The following ADGRV1 variants were observed in gnomAD, a reference collection of about 807,000 sequenced individuals.
The protein encoded by ADGRV1 is adhesion G protein-coupled receptor V1.
ADGRV1 carries 359 observed loss-of-function variants against 596.2 expected under a neutral mutation model. The observed-to-expected ratio is 0.60, with a 90% CI of 0.55 to 0.66. ADGRV1 has a LOEUF of 0.66. Among genes scored for constraint, ADGRV1 ranks in the 30% least tolerant of loss-of-function variants. The pLI is 0.00. For missense variants in ADGRV1, 7,274 were observed against 7,575.6 expected (o/e 0.96, Z 1.48); for synonymous variants, 2,681 against 2,679.2 (o/e 1.00, Z -0.02).
chr5:90,803,515 G>T (rs1427132518), intron 71 of ADGRV1, among the ~76,000 whole-genome samples: 2 of 152,090 alleles, frequency 1.3e-5, no homozygotes, highest in African/African-American at 4.8e-5. Flanking sequence ...ACTCCTTCAG[G>T]TGGGAGCTGA....
At chr5:91,035,970 A>C (rs528090427) in intron 85 of ADGRV1, among the ~76,000 whole-genome samples, 1 of 148,638 alleles carries the variant, frequency 6.7e-6, no homozygotes, top group South Asian at 2.1e-4. Context: ...CAAGAACAAA[A>C]ATATGAGATA....
At chr5:91,058,502 C>A (rs1223314654) in intron 85 of ADGRV1, among the ~76,000 whole-genome samples, 1 of 148,354 alleles carries the variant, frequency 6.7e-6, no homozygotes, top group Middle Eastern at 3.5e-3. Flanking sequence ...TTTTTGGAAG[C>A]TTTGTGGGAG....
At chr5:90,584,768 C>G (rs1758529589) in intron 1 of ADGRV1, among the ~76,000 whole-genome samples, 1 of 152,170 alleles carries the variant, frequency 6.6e-6, no homozygotes, top group Non-Finnish European at 1.5e-5. Flanking sequence ...GGACTGAAAG[C>G]CAGCCTGTCT....
intron 9 of ADGRV1, among the ~76,000 whole-genome samples, chr5:90,631,215 A>C (rs564433444): frequency 2.0e-5 from 3 of 152,302 alleles, no homozygotes; most frequent in Non-Finnish European, 4.4e-5. Context: ...TATCTTTTAG[A>C]TAACTCGATC....
intron 50 of ADGRV1, among the ~76,000 whole-genome samples, chr5:90,732,437 A>G (rs935974718): frequency 2.0e-5 from 3 of 152,304 alleles, no homozygotes; most frequent in East Asian, 3.9e-4. Flanking sequence ...TAACCCATCC[A>G]TTACCTCACA....
intron 43 of ADGRV1, among the ~76,000 whole-genome samples, 175 bp from the exon 44 acceptor site, chr5:90,719,870 AAGT>A (rs2149765603): frequency 6.6e-6 from 1 of 152,354 alleles, no homozygotes; most frequent in Admixed American, 6.5e-5. Flanking sequence ...AAAATCCTAA[AAGT>A]AGTAACCTGA....
chr5:90,734,625 G>A (rs1988093), intron 50 of ADGRV1, among the ~76,000 whole-genome samples: 59,271 of 135,850 alleles, frequency 0.44, 12,730 homozygotes, highest in Admixed American at 0.59. Flanking sequence ...TTGCTCTGTC[G>A]CCCAGGCTAG....
chr5:91,100,211 C>T (rs1160849333), intron 86 of ADGRV1, among the ~76,000 whole-genome samples: 5 of 152,114 alleles, frequency 3.3e-5, no homozygotes, highest in East Asian at 1.9e-4. Flanking sequence ...CGCTTGAGCC[C>T]GGAAGTTCAA....
Position 90,589,473 on chromosome 5 carries a change from A to G in ADGRV1, c.23-25362A>G, listed in dbSNP as rs190350607. ...AAGCAATGTATTATGGCTGAGAAAG[A>G]AAGTGTGGAATGGAAGAAAAGTGGG... On this transcript the variant is annotated intron_variant, in intron 1 of 89. Transcript: ENST00000405460. Among the ~76,000 whole-genome samples the G allele has an allele frequency of 3.3e-5, 5 of 152,362 alleles. No individual in the cohort carries two copies. In the East Asian group the frequency reaches 9.6e-4, roughly 29 times the overall value.
intron 88 of ADGRV1, 42 bp downstream of exon 88, chr5:91,150,263 GTCTCTCTC>G: frequency 7.6e-7 from 1 of 1,315,268 alleles, no homozygotes; most frequent in Non-Finnish European, 1.0e-6. Flanking sequence ...CTCTGTCTCT[GTCTCTCTC>G]TCTCTCTCTG....
intron 83 of ADGRV1, among the ~76,000 whole-genome samples, chr5:90,932,934 C>T (rs902120025): frequency 2.0e-5 from 3 of 152,162 alleles, no homozygotes; most frequent in Non-Finnish European, 1.5e-5. Context: ...ACACATTGTG[C>T]TGGTCACATA....
At chr5:90,720,849 A>G (rs1353815859) in intron 44 of ADGRV1, 86 bp from the exon 45 acceptor site, 1 of 1,088,016 alleles carries the variant, frequency 9.2e-7, no homozygotes, top group Non-Finnish European at 1.3e-6. Flanking sequence ...AAAATGTATT[A>G]AGTATATGCT....
Position 90,696,971 on chromosome 5 carries a change from G to C in ADGRV1, c.7980G>C (p.Leu2660Phe). The C allele has an allele frequency of 6.2e-7, 1 of 1,612,226 alleles. No individual in the cohort carries two copies. The highest frequency in any genetic ancestry group is 8.5e-7 in the Non-Finnish European group (1 of 1,178,816). Residue 2660 changes from leucine to phenylalanine, a missense_variant, in exon 34 of 90, where the codon TTG (leucine) becomes TTC (phenylalanine). By Grantham distance (22) the Leu-to-Phe change is conservative (BLOSUM62 0). This residue lies in a region of ADGRV1 where 3,643 missense variants were observed against 3,809.2 expected (regional missense o/e 0.96). Coordinates refer to ENST00000405460, the MANE Select transcript of ADGRV1 (RefSeq NM_032119.4). ...ETKKTVILTI[L>F]DDSEPEDDES... ...AAAAGACAGTCATTTTAACCATCTT[G>C]GATGACTCTGAACCAGAGGATGACG...
chr5:90,913,348 A>T (rs1773067489), intron 83 of ADGRV1, among the ~76,000 whole-genome samples: 1 of 152,192 alleles, frequency 6.6e-6, no homozygotes, highest in Admixed American at 6.5e-5. Context: ...TACAAGCCTG[A>T]ATTTCTAGAC....
At chr5:90,664,586 C>G (rs1770972365) in intron 21 of ADGRV1, among the ~76,000 whole-genome samples, 1 of 134,960 alleles carries the variant, frequency 7.4e-6, no homozygotes, top group Non-Finnish European at 1.5e-5. Context: ...TCCTCTTTTC[C>G]TAATTGAATA....
At chr5:91,158,138 A>C (rs748351843) in intron 89 of ADGRV1, among the ~76,000 whole-genome samples, 1 of 152,226 alleles carries the variant, frequency 6.6e-6, no homozygotes, top group African/African-American at 2.4e-5. Flanking sequence ...TGTATCTGAT[A>C]ATTTTCTACT....
intron 85 of ADGRV1, among the ~76,000 whole-genome samples, chr5:90,992,636 G>T (rs1781066656): frequency 6.6e-6 from 1 of 152,166 alleles, no homozygotes; most frequent in African/African-American, 2.4e-5. Flanking sequence ...AGACTTCTTT[G>T]TGTAGAATAG....
At chr5:90,562,117 T>C (rs1754911195) in intron 1 of ADGRV1, among the ~76,000 whole-genome samples, 1 of 152,210 alleles carries the variant, frequency 6.6e-6, no homozygotes, top group African/African-American at 2.4e-5. Flanking sequence ...AGCTGAATTA[T>C]TTATTGAAAC....
chr5:90,941,807 A>G (rs967740531), intron 83 of ADGRV1, among the ~76,000 whole-genome samples: 3 of 152,230 alleles, frequency 2.0e-5, no homozygotes, highest in Non-Finnish European at 4.4e-5. Flanking sequence ...TTAACTCATA[A>G]TATTGTAATG....
Sources: gnomAD v4.1 joint callset for allele counts (sites outside exome capture counted in the v4.1 genomes callset) on GRCh38, gnomAD v4.1.1 for gene constraint, gnomAD v4.1.1 regional missense constraint, MANE v1.5 for transcripts, NCBI Gene and HGNC (gene_info 2026-07-23, HGNC 2026-07-21) for gene names.